Variants in LAMA2 observed in about 807,000 individuals in gnomAD.
LAMA2 encodes laminin subunit alpha-2.
Under a neutral mutation model 364.8 loss-of-function variants are expected in LAMA2, and 269 were observed. The observed-to-expected ratio is 0.74, with a 90% CI of 0.67 to 0.82. The LOEUF (loss-of-function observed/expected upper bound fraction) is 0.82, where lower values mean the gene tolerates loss of function less well. Among genes scored for constraint, LAMA2 ranks in the 40% least tolerant of loss-of-function variants. The pLI is 0.00. For synonymous variants in LAMA2, 1,379 were observed against 1,370.6 expected, an observed-to-expected ratio of 1.01 and a Z score of -0.14; for missense variants, 3,807 against 3,873.2, an observed-to-expected ratio of 0.98 and a Z score of 0.45.
At chr6:129,507,713 A>T in intron 62 of LAMA2, 71 bp downstream of exon 62, 1 of 1,461,390 alleles carries the variant, frequency 6.8e-7, no homozygotes, top group Admixed American at 1.7e-5. Flanking sequence ...CTAGTACCAA[A>T]TAATAAAAGT....
chr6:129,376,266 G>A (rs1293650353), intron 34 of LAMA2, among the ~76,000 whole-genome samples: 2 of 152,122 alleles, frequency 1.3e-5, no homozygotes, highest in Admixed American at 6.5e-5. Context: ...TCTTCCTCAT[G>A]ATGCTCCTGC....
intron 1 of LAMA2, among the ~76,000 whole-genome samples, chr6:128,899,147 A>T (rs1026141245): frequency 6.6e-6 from 1 of 152,194 alleles, no homozygotes; most frequent in Non-Finnish European, 1.5e-5. Context: ...TTGTTATAAA[A>T]TGGCCTTCAT....
At chr6:129,227,028 T>C (rs1784344711) in intron 12 of LAMA2, among the ~76,000 whole-genome samples, 2 of 152,176 alleles carry the variant, frequency 1.3e-5, no homozygotes, top group Admixed American at 1.3e-4. Flanking sequence ...CTTTGTTCGT[T>C]TCCTTTTACT....
chr6:129,143,343 C>T (rs746420134), intron 4 of LAMA2, among the ~76,000 whole-genome samples: 16 of 151,544 alleles, frequency 1.1e-4, no homozygotes, highest in East Asian at 3.9e-4. Context: ...ATACAGATAA[C>T]GACAACCTAA....
intron 21 of LAMA2, among the ~76,000 whole-genome samples, chr6:129,300,002 A>C (rs1773450513): frequency 1.3e-5 from 2 of 152,186 alleles, no homozygotes; most frequent in Non-Finnish European, 2.9e-5. Context: ...AACTGCCGCT[A>C]TGTGGCATGC....
intron 1 of LAMA2, among the ~76,000 whole-genome samples, chr6:128,987,273 A>G (rs1030920793): frequency 1.3e-5 from 2 of 151,138 alleles, no homozygotes; most frequent in African/African-American, 4.9e-5. Context: ...CCTAGTAGCT[A>G]AGACTACAGG....
At chr6:128,992,978 T>A (rs1331055894) in intron 1 of LAMA2, among the ~76,000 whole-genome samples, 2 of 152,180 alleles carry the variant, frequency 1.3e-5, no homozygotes, top group African/African-American at 2.4e-5. Flanking sequence ...AATAGCTGCA[T>A]CTTTTAAGTA....
rs368334998 is a variant in LAMA2 at position 129,079,593 on chromosome 6, G to A, written c.397-18580G>A. Among the ~76,000 whole-genome samples, 53 of 150,492 alleles carry A rather than the reference G, an allele frequency of 3.5e-4. 1 individual carries two copies. Among genetic ancestry groups the A allele is most frequent in the East Asian group, 1.2e-3 (6 of 5,162 alleles). Reference sequence around the variant, plus strand: ...TTTTTAAATAGTTAGCATCAAATGCGTATGAAGTGGTGGTGGTTCATATTT... The same window carrying A: ...TTTTTAAATAGTTAGCATCAAATGCATATGAAGTGGTGGTGGTTCATATTT... On this transcript the variant is annotated intron_variant, in intron 3 of 64. Transcript: ENST00000421865.
At position 129,353,612 on chromosome 6, in the gene LAMA2, G is replaced by T. The variant is rs3813367; in HGVS notation, c.4717+255G>T. 0.076 allele frequency among the ~76,000 whole-genome samples: 11,502 copies of T among 152,066 alleles called. 591 individuals carry two copies. Among genetic ancestry groups the T allele is most frequent in the East Asian group, 0.14 (723 of 5,170 alleles). On this transcript the variant is annotated intron_variant, in intron 32 of 64. Transcript: ENST00000421865. ...AGTTCATTGAAAGACCTACAATGAA[G>T]CTCCTGGAGGCATTTTATTTGATTT...
chr6:128,905,472 G>A (rs2114431044), intron 1 of LAMA2: 1 of 152,142 alleles, frequency 6.6e-6, no homozygotes, highest in South Asian at 2.1e-4. Context: ...GGAGGATTAG[G>A]ACTATTGCAG....
chr6:128,940,908 G>T (rs146034673), intron 1 of LAMA2, among the ~76,000 whole-genome samples: 3 of 152,184 alleles, frequency 2.0e-5, no homozygotes, highest in East Asian at 3.9e-4. Flanking sequence ...CTGAGATCAT[G>T]CCACTGTGCT....
rs9492319 is a variant in LAMA2, at chr6:129,382,233, G to A, written c.4960-889G>A. ...TATCTTTTTAGTAAAAGAGAAGAAG[G>A]CTTATATATTAGCATATGCAACACA... On this transcript the variant is annotated intron_variant, in intron 34 of 64. Coordinates refer to ENST00000421865, the MANE Select transcript of LAMA2 (RefSeq NM_000426.4). Among the ~76,000 whole-genome samples, 632 of 152,168 alleles carry A rather than the reference G, an allele frequency of 4.2e-3. 4 individuals carry two copies. The highest frequency in any genetic ancestry group is 0.015 in the African/African-American group (602 of 41,508).
At chr6:129,142,862 A>C (rs1483585505) in intron 4 of LAMA2, among the ~76,000 whole-genome samples, 3 of 151,922 alleles carry the variant, frequency 2.0e-5, no homozygotes, top group Non-Finnish European at 2.9e-5. Context: ...ATGAGGGAGG[A>C]TCAGTATCTT....
intron 37 of LAMA2, among the ~76,000 whole-genome samples, chr6:129,395,064 A>G (rs2437092): frequency 0.63 from 95,634 of 151,900 alleles, 31,304 homozygotes; most frequent in Non-Finnish European, 0.74. Flanking sequence ...TGAAAATCAC[A>G]TGGGGTGTTT....
intron 32 of LAMA2, among the ~76,000 whole-genome samples, chr6:129,356,304 C>CTT (rs1362852210): frequency 1.3e-5 from 2 of 152,108 alleles, no homozygotes; most frequent in African/African-American, 2.4e-5. Flanking sequence ...AGTTCCTGAG[C>CTT]ATAACTAAGC....
chr6:129,274,278 G>A (rs1244023874), intron 17 of LAMA2, among the ~76,000 whole-genome samples: 1 of 151,666 alleles, frequency 6.6e-6, no homozygotes, highest in Non-Finnish European at 1.5e-5. Flanking sequence ...GACACTTAAT[G>A]ACCTAGGGAA....
chr6:129,402,238 C>T lies in LAMA2; in HGVS notation c.5563-86C>T, dbSNP rs996968144. 1.1e-4 allele frequency: 77 copies of T among 726,912 alleles called. No homozygotes were observed. The African/African-American group carries it at 1.1e-3, about 11-fold the overall frequency. 45.0% of individuals were successfully genotyped at this position (726,912 alleles called of 1,614,324 possible). A position where few individuals can be genotyped will look rare whatever the true frequency, so the allele number is the denominator to read the frequency against. On this transcript the variant is annotated intron_variant, in intron 38 of 64. Transcript: ENST00000421865. ...AAAAAAAAAAAAAAACTAAACTAAA[C>T]GTGTAGTTATGTCTCATAGAGAAAT...
At chr6:128,930,959 CCTGT>C (rs1192950758) in intron 1 of LAMA2, among the ~76,000 whole-genome samples, 3 of 152,122 alleles carry the variant, frequency 2.0e-5, no homozygotes, top group Non-Finnish European at 2.9e-5. Context: ...CTCTGCTAGT[CCTGT>C]CTAAGTGCTA....
intron 18 of LAMA2, among the ~76,000 whole-genome samples, chr6:129,284,085 A>G (rs530141916): frequency 6.6e-6 from 1 of 152,274 alleles, no homozygotes; most frequent in East Asian, 1.9e-4. Context: ...GCATATGTCT[A>G]GAAAGGACAA....
Sources: allele counts gnomAD v4.1 joint callset (sites outside exome capture counted in the v4.1 genomes callset), GRCh38; gene constraint gnomAD v4.1.1; transcripts MANE v1.5; gene names NCBI Gene and HGNC (gene_info 2026-07-23, HGNC 2026-07-21).